The following LSAMP variants were observed in gnomAD, a reference collection of about 807,000 sequenced individuals.
LSAMP encodes the protein limbic system-associated membrane protein.
LSAMP carries 7 observed loss-of-function variants against 38.6 expected under a neutral mutation model. The observed-to-expected ratio is 0.18, with a 90% CI of 0.10 to 0.34. LSAMP has a LOEUF of 0.34. Ranked by LOEUF, LSAMP falls within the 10% of genes least tolerant of loss-of-function variation. The pLI, the probability that LSAMP is intolerant of heterozygous loss-of-function variation, is 1.00. For missense variants in LSAMP, 313 were observed against 420.0 expected, an observed-to-expected ratio of 0.75 and a Z score of 2.23; for synonymous variants, 154 against 166.8, an observed-to-expected ratio of 0.92 and a Z score of 0.59.
At chr3:115,913,052 C>T (rs1054086542) in intron 3 of LSAMP, among the ~76,000 whole-genome samples, 1 of 152,120 alleles carries the variant, frequency 6.6e-6, no homozygotes, top group Non-Finnish European at 1.5e-5. Flanking sequence ...TGGATTTCCC[C>T]AAGTTAGATT....
At chr3:116,203,549 C>A (rs1474833655) in intron 1 of LSAMP, among the ~76,000 whole-genome samples, 15 of 119,826 alleles carry the variant, frequency 1.3e-4, no homozygotes, top group South Asian at 3.4e-4. Flanking sequence ...TCCCTCCCCC[C>A]ACCCCCCACC....
rs145009201 is a variant in LSAMP, at chr3:116,178,197, C to T, written c.156-91641G>A. On this transcript the variant is annotated intron_variant, in intron 1 of 6. Coordinates refer to ENST00000490035, the MANE Select transcript of LSAMP (RefSeq NM_002338.5). ...ATTTTTATTTATTTTGACAGGGTTT[C>T]GCTCTGTCACCCAGGCTGGAGTGTA... Among the ~76,000 whole-genome samples, 38 of 152,168 alleles carry T rather than the reference C, an allele frequency of 2.5e-4. No individual in the cohort carries two copies. In the East Asian group the frequency reaches 6.4e-3, roughly 26 times the overall value.
chr3:116,141,377 T>C (rs1468167657), intron 1 of LSAMP, among the ~76,000 whole-genome samples: 2 of 151,322 alleles, frequency 1.3e-5, no homozygotes, highest in Non-Finnish European at 2.9e-5. Flanking sequence ...TTCAGAAAGA[T>C]GTACCTTAGT....
At chr3:116,017,821 T>C (rs977689015) in intron 3 of LSAMP, among the ~76,000 whole-genome samples, 1 of 152,162 alleles carries the variant, frequency 6.6e-6, no homozygotes, top group African/African-American at 2.4e-5. Flanking sequence ...CTCTCAATTA[T>C]AACATTACAG....
At chr3:116,116,113 C>CA in intron 1 of LSAMP, among the ~76,000 whole-genome samples, 1 of 139,890 alleles carries the variant, frequency 7.1e-6, no homozygotes, top group South Asian at 2.2e-4. Context: ...TTCTATTTTC[C>CA]TTTTTTTTTT....
intron 1 of LSAMP, among the ~76,000 whole-genome samples, chr3:116,419,605 G>T (rs2107852635): frequency 6.6e-6 from 1 of 152,226 alleles, no homozygotes; most frequent in African/African-American, 2.4e-5. Context: ...CACTTATTTG[G>T]GGTAAAGCAG....
chr3:116,025,877 T>C (rs1940778768), intron 2 of LSAMP, among the ~76,000 whole-genome samples: 1 of 152,224 alleles, frequency 6.6e-6, no homozygotes, highest in African/African-American at 2.4e-5. Context: ...GTGTTAATTT[T>C]AAAATTTGAA....
chr3:115,864,771 G>A (rs1473359124), intron 3 of LSAMP, among the ~76,000 whole-genome samples: 2 of 152,140 alleles, frequency 1.3e-5, no homozygotes, highest in Non-Finnish European at 2.9e-5. Flanking sequence ...ATGATTAATA[G>A]AGTGTACATG....
chr3:115,903,236 A>C (rs904934761), intron 3 of LSAMP, among the ~76,000 whole-genome samples: 1 of 152,166 alleles, frequency 6.6e-6, no homozygotes, highest in Non-Finnish European at 1.5e-5. Flanking sequence ...CTAACAGAGA[A>C]ACATAAAACC....
intron 1 of LSAMP, among the ~76,000 whole-genome samples, chr3:116,171,271 G>A (rs1710191539): frequency 6.6e-6 from 1 of 152,140 alleles, no homozygotes; most frequent in African/African-American, 2.4e-5. Context: ...ACCAATTGCT[G>A]AGAAGGGGAA....
chr3:116,156,732 C>T (rs1709758203), intron 1 of LSAMP, among the ~76,000 whole-genome samples: 1 of 152,036 alleles, frequency 6.6e-6, no homozygotes, highest in African/African-American at 2.4e-5. Context: ...GATGAGATGA[C>T]ACAATACCAT....
intron 2 of LSAMP, among the ~76,000 whole-genome samples, chr3:116,071,165 G>C (rs1707596436): frequency 7.5e-6 from 1 of 133,452 alleles, no homozygotes; most frequent in Admixed American, 7.6e-5. Flanking sequence ...AGATGATTTT[G>C]TGAGTTTGCA....
intron 1 of LSAMP, among the ~76,000 whole-genome samples, chr3:116,107,806 G>C (rs9856941): frequency 0.11 from 16,072 of 152,050 alleles, 2,703 homozygotes; most frequent in African/African-American, 0.36. Context: ...CGTTTGAGCT[G>C]CAGAACAGAA....
rs564817687 is a variant in LSAMP at position 115,954,097 on chromosome 3, C to T, written c.514+65418G>A. Among the ~76,000 whole-genome samples, 16 of 152,280 alleles carry T rather than the reference C, an allele frequency of 1.1e-4. 1 individual carries two copies. The highest frequency in any genetic ancestry group is 1.0e-3 in the Admixed American group (16 of 15,302). ...TGTTTTTTAACTGTTTATTTTCTGC[C>T]TTCTTCCCCACTCCCTCATCCCGAT... On this transcript the variant is annotated intron_variant, in intron 3 of 6. Transcript: ENST00000490035.
At chr3:115,934,164 TTTTTA>T (rs1175154198) in intron 3 of LSAMP, among the ~76,000 whole-genome samples, 1 of 137,474 alleles carries the variant, frequency 7.3e-6, no homozygotes, top group Non-Finnish European at 1.5e-5. Context: ...TTATTTTTTA[TTTTTA>T]TTTTATTATT....
intron 3 of LSAMP, among the ~76,000 whole-genome samples, chr3:115,940,549 C>G (rs142490313): frequency 1.3e-5 from 2 of 152,138 alleles, no homozygotes; most frequent in African/African-American, 2.4e-5. Context: ...TCAGATATTA[C>G]GTTTAAATCT....
intron 6 of LSAMP, among the ~76,000 whole-genome samples, chr3:115,822,064 T>C (rs1934258579): frequency 6.6e-6 from 1 of 152,228 alleles, no homozygotes; most frequent in South Asian, 2.1e-4. Context: ...GCTTTAGGGA[T>C]TAGCAGCTTG....
At chr3:116,399,681 T>C (rs750313167) in intron 1 of LSAMP, among the ~76,000 whole-genome samples, 9 of 152,204 alleles carry the variant, frequency 5.9e-5, no homozygotes, top group Non-Finnish European at 1.3e-4. Context: ...GTCTGCAGGT[T>C]GAAGTCATAT....
intron 1 of LSAMP, among the ~76,000 whole-genome samples, chr3:116,208,207 T>G (rs1224991317): frequency 2.0e-4 from 31 of 152,090 alleles, no homozygotes; most frequent in Admixed American, 2.0e-3. Flanking sequence ...TCCTGAGGCT[T>G]CTGCATTCTT....
Sources: allele counts gnomAD v4.1 joint callset (sites outside exome capture counted in the v4.1 genomes callset), GRCh38; gene constraint gnomAD v4.1.1; transcripts MANE v1.5; gene names NCBI Gene and HGNC (gene_info 2026-07-23, HGNC 2026-07-21).